Variants in KCND3 observed in about 807,000 individuals in gnomAD.
KCND3 encodes the protein A-type voltage-gated potassium channel KCND3.
KCND3 carries 9 observed loss-of-function variants against 51.1 expected under a neutral mutation model. The observed-to-expected ratio is 0.18, with a 90% CI of 0.11 to 0.31. The LOEUF (loss-of-function observed/expected upper bound fraction) is 0.31, where lower values mean the gene tolerates loss of function less well. Among genes scored for constraint, KCND3 ranks in the 10% least tolerant of loss-of-function variants. KCND3 has a pLI of 1.00. For synonymous variants in KCND3, 349 were observed against 368.0 expected, an observed-to-expected ratio of 0.95 and a Z score of 0.59; for missense variants, 526 against 903.8, an observed-to-expected ratio of 0.58 and a Z score of 5.36.
At chr1:111,889,235 A>T (rs906710252) in intron 2 of KCND3, among the ~76,000 whole-genome samples, 4 of 152,200 alleles carry the variant, frequency 2.6e-5, no homozygotes, top group Non-Finnish European at 2.9e-5. Context: ...GGGGACAGAC[A>T]CCGCAGCCTT....
chr1:111,940,784 T>G (rs1571878560), intron 2 of KCND3, among the ~76,000 whole-genome samples: 1 of 152,214 alleles, frequency 6.6e-6, no homozygotes, highest in Non-Finnish European at 1.5e-5. Context: ...CCCTCACCGA[T>G]GACATCAGAG....
chr1:111,781,738 C>A (rs1416050772), intron 3 of KCND3, among the ~76,000 whole-genome samples: 3 of 152,108 alleles, frequency 2.0e-5, no homozygotes, highest in Non-Finnish European at 2.9e-5. Context: ...CATGTTGATA[C>A]CATGCAGGAG....
At chr1:111,811,996 C>T (rs967876279) in intron 2 of KCND3, among the ~76,000 whole-genome samples, 11 of 152,166 alleles carry the variant, frequency 7.2e-5, no homozygotes, top group African/African-American at 2.7e-4. Flanking sequence ...AGTGCCACGC[C>T]GGGCACGTCA....
At chr1:111,820,957 GACCA>G (rs1475184777) in intron 2 of KCND3, among the ~76,000 whole-genome samples, 1 of 152,158 alleles carries the variant, frequency 6.6e-6, no homozygotes, top group African/African-American at 2.4e-5. Flanking sequence ...AACCTTCCAA[GACCA>G]ACCAACCCTG....
chr1:111,810,323 G>C (rs768309252), intron 2 of KCND3, among the ~76,000 whole-genome samples: 4 of 152,196 alleles, frequency 2.6e-5, no homozygotes, highest in Admixed American at 1.3e-4. Context: ...ACCTGGAAGA[G>C]GGCAGCTCTC....
intron 2 of KCND3, among the ~76,000 whole-genome samples, chr1:111,801,594 C>T (rs1245624871): frequency 6.6e-6 from 1 of 152,154 alleles, no homozygotes; most frequent in Non-Finnish European, 1.5e-5. Context: ...AGCCCCAGGC[C>T]AGGCCAGATT....
chr1:111,962,805 G>A (rs1313584450), intron 2 of KCND3, among the ~76,000 whole-genome samples: 1 of 152,160 alleles, frequency 6.6e-6, no homozygotes, highest in South Asian at 2.1e-4. Flanking sequence ...CTTATTGAAA[G>A]GTAGAATCTG....
At chr1:111,986,792 C>T (rs1327236869) in intron 1 of KCND3, among the ~76,000 whole-genome samples, 1 of 152,152 alleles carries the variant, frequency 6.6e-6, no homozygotes, top group Non-Finnish European at 1.5e-5. Context: ...GCCTGAGCCT[C>T]AAGGTAGCAA....
intron 2 of KCND3, among the ~76,000 whole-genome samples, chr1:111,915,752 C>CAAAAAAA (rs35574221): frequency 7.4e-5 from 5 of 67,318 alleles, no homozygotes; most frequent in Admixed American, 1.9e-4. Context: ...GACTCTGTCT[C>CAAAAAAA]AAAAAAAAAA....
intron 2 of KCND3, among the ~76,000 whole-genome samples, chr1:111,838,997 G>A (rs1004279782): frequency 1.3e-5 from 2 of 152,074 alleles, no homozygotes; most frequent in African/African-American, 4.8e-5. Flanking sequence ...AATTTTGCAT[G>A]ATTTGTTTTT....
chr1:111,800,554 A>T lies in KCND3; in HGVS notation c.1107-13448T>A, dbSNP rs1339195224. Among the ~76,000 whole-genome samples, 10 of 77,746 alleles carry T rather than the reference A, an allele frequency of 1.3e-4. No individual in the cohort carries two copies. The East Asian group carries it at 2.6e-3, about 20-fold the overall frequency. 51.0% of individuals were successfully genotyped at this position (77,746 alleles called of 152,430 possible). A position where few individuals can be genotyped will look rare whatever the true frequency, so the allele number is the denominator to read the frequency against. On this transcript the variant is annotated intron_variant, in intron 2 of 7. Transcript: ENST00000302127. Reference sequence around the variant, plus strand: ...AATTATCAATAAAAAAATAAATTTAAAAAAAAAAAAAAAAAAGAAAATTGG... The same window carrying T: ...AATTATCAATAAAAAAATAAATTTATAAAAAAAAAAAAAAAAGAAAATTGG...
chr1:111,889,166 C>T (rs180915505), intron 2 of KCND3, among the ~76,000 whole-genome samples: 146 of 152,320 alleles, frequency 9.6e-4, no homozygotes, highest in African/African-American at 3.2e-3. Flanking sequence ...TTCCCCGGAC[C>T]AGCCACAAAC....
intron 2 of KCND3, among the ~76,000 whole-genome samples, chr1:111,852,387 T>C (rs1667859370): frequency 6.6e-6 from 1 of 152,230 alleles, no homozygotes; most frequent in African/African-American, 2.4e-5. Context: ...GTCCTTTTTG[T>C]GGGCCGGCAG....
At chr1:111,781,839 C>T (rs1664402756) in intron 3 of KCND3, among the ~76,000 whole-genome samples, 1 of 152,168 alleles carries the variant, frequency 6.6e-6, no homozygotes, top group South Asian at 2.1e-4. Context: ...TTCCTAATGA[C>T]TGTAATCATT....
intron 2 of KCND3, among the ~76,000 whole-genome samples, chr1:111,882,793 G>A (rs1000150352): frequency 6.6e-6 from 1 of 152,166 alleles, no homozygotes; most frequent in African/African-American, 2.4e-5. Flanking sequence ...TGAGGGTGGT[G>A]GAAGAGAGTC....
intron 3 of KCND3, among the ~76,000 whole-genome samples, chr1:111,784,144 C>CACACACA (rs59742862): frequency 1.9e-4 from 29 of 149,360 alleles, no homozygotes; most frequent in Non-Finnish European, 2.7e-4. Flanking sequence ...CACACACACA[C>CACACACA]CAGTCCAAGT....
chr1:111,818,370 T>C (rs1666201594), intron 2 of KCND3, among the ~76,000 whole-genome samples: 1 of 151,836 alleles, frequency 6.6e-6, no homozygotes, highest in Non-Finnish European at 1.5e-5. Flanking sequence ...GTGACTAACA[T>C]CACACGTCAG....
intron 2 of KCND3, among the ~76,000 whole-genome samples, chr1:111,966,246 C>T (rs961120650): frequency 6.6e-6 from 1 of 152,214 alleles, no homozygotes; most frequent in Non-Finnish European, 1.5e-5. Flanking sequence ...AGCCATGCTG[C>T]CCACACGGAT....
intron 2 of KCND3, among the ~76,000 whole-genome samples, chr1:111,911,137 CT>C (rs1670925454): frequency 6.6e-6 from 1 of 152,212 alleles, no homozygotes; most frequent in Admixed American, 6.5e-5. Flanking sequence ...TGGGTTCCTA[CT>C]TCTAGAATTT....
Sources: gnomAD v4.1 joint callset for allele counts (sites outside exome capture counted in the v4.1 genomes callset) on GRCh38, gnomAD v4.1.1 for gene constraint, MANE v1.5 for transcripts, NCBI Gene and HGNC (gene_info 2026-07-23, HGNC 2026-07-21) for gene names.